Variants in SLC48A1 observed in about 807,000 individuals in gnomAD.
SLC48A1 encodes the protein solute carrier family 48 member 1.
A neutral mutation model predicts 14.8 loss-of-function variants in SLC48A1; 6 were observed. The ratio of observed to expected loss-of-function variants is 0.41; its 90% CI spans 0.22 to 0.80. The LOEUF is 0.80. Among genes scored for constraint, SLC48A1 ranks in the 30% least tolerant of loss-of-function variants. SLC48A1 has a pLI of 0.34. For missense variants in SLC48A1, 165 were observed against 204.8 expected (o/e 0.81, Z 1.19); for synonymous variants, 89 against 90.0 (o/e 0.99, Z 0.06).
At chr12:47,770,901 C>T (rs1040994600), upstream of SLC48A1, 10 of 456,554 alleles carry the variant, frequency 2.2e-5, no homozygotes, top group Non-Finnish European at 4.0e-5. Context: ...TGCGCCATCA[C>T]ACGTGCGGTT....
At chr12:47,759,627 G>A (rs3809316) in intron 1 of SLC48A1, among the ~76,000 whole-genome samples, 75,737 of 152,124 alleles carry the variant, frequency 0.5, 19,373 homozygotes, top group Admixed American at 0.65. Flanking sequence ...CGCCCTGCTA[G>A]GCAGGCTTGC....
chr12:47,759,173 C>G (rs1942282301), intron 1 of SLC48A1: 1 of 896,424 alleles, frequency 1.1e-6, no homozygotes, highest in Non-Finnish European at 1.3e-6. Context: ...CTGGCCGCCA[C>G]GTGGCCGGGA....
chr12:47,763,582 C>T (rs1339815564), intron 2 of SLC48A1, among the ~76,000 whole-genome samples: 4 of 152,196 alleles, frequency 2.6e-5, no homozygotes, highest in Non-Finnish European at 5.9e-5. Flanking sequence ...CTTGCCCCCG[C>T]TCCATCCCCC....
At chr12:47,778,588 T>C (rs1942799893) in intron 1 of SLC48A1, 1 of 159,234 alleles carries the variant, frequency 6.3e-6, no homozygotes. Context: ...GCACAGACTT[T>C]CTGGTTTTCA....
Position 47,780,234 on chromosome 12 carries a change from C to G in SLC48A1, c.394C>G (p.Arg132Gly), listed in dbSNP as rs1261630870. 2 of 1,614,254 alleles carry G rather than the reference C, an allele frequency of 1.2e-6. No individual in the cohort carries two copies. The highest frequency in any genetic ancestry group is 1.7e-6 in the Non-Finnish European group (2 of 1,180,048). ...WAFLLSLYAHRYRADFADISI... is the reference protein window; with the variant it reads ...WAFLLSLYAHGYRADFADISI... ...CTTCCTGCTCAGCCTCTATGCCCAC[C>G]GCTACCGGGCTGACTTTGCTGACAT... The change falls in exon 3 of 3, where the codon CGC becomes GGC. Residue 132 changes from arginine (R) to glycine (G), a missense_variant. Physicochemically the swap from Arg to Gly is moderately radical, Grantham distance 125 (BLOSUM62 -2). Transcript: ENST00000442218.
chr12:47,771,097 A>G, upstream of SLC48A1: 2 of 323,316 alleles, frequency 6.2e-6, no homozygotes, highest in Non-Finnish European at 1.2e-5. Flanking sequence ...ACACACTCCA[A>G]GATTCAAAAT....
rs1245151635 is a variant in SLC48A1, at chr12:47,773,281, C to T, written c.-24C>T. The T allele has an allele frequency of 6.4e-6, 9 of 1,395,832 alleles. No homozygotes were observed. In the African/African-American group the frequency reaches 7.5e-5, roughly 12 times the overall value. The allele number at this position is 1,395,832 out of a possible 1,614,324, so 86.5% of individuals were successfully genotyped here. A position where few individuals can be genotyped will look rare whatever the true frequency, so the allele number is the denominator to read the frequency against. On this transcript the variant is annotated 5_prime_UTR_variant, in exon 1 of 3. Coordinates refer to ENST00000442218, the MANE Select transcript of SLC48A1 (RefSeq NM_017842.3). ...TGTGACTCTCGGCCGCGCTCGCCCT[C>T]GGCCCGCCCGGCGCCGCAGCCCCAT... is the stretch of plus-strand genomic sequence containing the variant.
rs564587907 is a variant in SLC48A1 at position 47,781,332 on chromosome 12, G to A, written c.*1051G>A. The A allele has an allele frequency of 4.1e-3, 661 of 160,692 alleles. 8 individuals are homozygous for A. The highest frequency in any genetic ancestry group is 0.015 in the African/African-American group (629 of 41,604). The allele number at this position is 160,692 out of a possible 1,614,324, so 10.0% of individuals were successfully genotyped here. A position where few individuals can be genotyped will look rare whatever the true frequency, so the allele number is the denominator to read the frequency against. On this transcript the variant is annotated 3_prime_UTR_variant, in exon 3 of 3. Transcript: ENST00000442218. ...TGTACCCATGCCCCTCCAGCCCTGC[G>A]TTTCCATTCTGCCTTCTCAGAGTGC...
intron 1 of SLC48A1, among the ~76,000 whole-genome samples, chr12:47,776,912 C>T (rs1345004905): frequency 6.6e-6 from 1 of 152,180 alleles, no homozygotes; most frequent in East Asian, 1.9e-4. Flanking sequence ...CCCAAGCTGG[C>T]TTCTAGAATC....
At chr12:47,779,341 T>C in intron 2 of SLC48A1, 146 bp downstream of exon 2, 1 of 1,238,684 alleles carries the variant, frequency 8.1e-7, no homozygotes, top group South Asian at 1.6e-5. Flanking sequence ...TTATGGTTCA[T>C]GTGGAGAAAA....
chr12:47,780,415 G>A lies in SLC48A1; in HGVS notation c.*134G>A, dbSNP rs1422742839. 2 of 1,387,016 alleles carry A rather than the reference G, an allele frequency of 1.4e-6. No individual in the cohort carries two copies. Among genetic ancestry groups the A allele is most frequent in the Non-Finnish European group, 1.0e-6 (1 of 973,576 alleles). The allele number at this position is 1,387,016 out of a possible 1,614,324, so 85.9% of individuals were successfully genotyped here. ...AGAAAATACACAGCAGGACGAGTGT[G>A]GTCTCCCAGGAAGCTGTCCTGCCCG... On this transcript the variant is annotated 3_prime_UTR_variant, in exon 3 of 3. Coordinates refer to ENST00000442218, the MANE Select transcript of SLC48A1 (RefSeq NM_017842.3).
At chr12:47,761,069 C>T (rs1199488108) in intron 2 of SLC48A1, among the ~76,000 whole-genome samples, 6 of 151,948 alleles carry the variant, frequency 3.9e-5, no homozygotes, top group East Asian at 1.9e-4. Context: ...TGGTGGCGTG[C>T]GCCTGGAATC....
chr12:47,758,132 G>T, upstream of SLC48A1: 1 of 1,525,856 alleles, frequency 6.6e-7, no homozygotes. Flanking sequence ...GGGCGGCTGG[G>T]CCACAGTACA....
upstream of SLC48A1, among the ~76,000 whole-genome samples, chr12:47,757,250 C>G (rs1486683996): frequency 2.0e-5 from 3 of 152,148 alleles, no homozygotes; most frequent in African/African-American, 7.2e-5. Context: ...CAAATCCCAC[C>G]ATTCTTTCCC....
intron 1 of SLC48A1, chr12:47,760,138 C>A: frequency 1.1e-6 from 1 of 902,538 alleles, no homozygotes; most frequent in African/African-American, 1.8e-5. Context: ...TACTAAAATG[C>A]AGGCTCCGTC....
At chr12:47,759,636 G>C (rs919037769) in intron 1 of SLC48A1, among the ~76,000 whole-genome samples, 1 of 152,232 alleles carries the variant, frequency 6.6e-6, no homozygotes, top group African/African-American at 2.4e-5. Flanking sequence ...AGGCAGGCTT[G>C]CTACCGAGGC....
At chr12:47,774,982 G>C (rs570596344) in intron 1 of SLC48A1, among the ~76,000 whole-genome samples, 1 of 152,340 alleles carries the variant, frequency 6.6e-6, no homozygotes, top group African/African-American at 2.4e-5. Flanking sequence ...TGCGAAGACC[G>C]AAGGCAAGAG....
chr12:47,768,169 G>A (rs1353371843), upstream of SLC48A1, among the ~76,000 whole-genome samples: 1 of 152,104 alleles, frequency 6.6e-6, no homozygotes, highest in Non-Finnish European at 1.5e-5. Context: ...GTAGAGATGG[G>A]TTTTGCCATG....
upstream of SLC48A1, among the ~76,000 whole-genome samples, chr12:47,771,359 A>C (rs1033110612): frequency 2.8e-5 from 4 of 145,452 alleles, no homozygotes; most frequent in Admixed American, 2.7e-4. Context: ...TTAGATGTTG[A>C]TGTGAACAAA....
Sources: allele counts gnomAD v4.1 joint callset (sites outside exome capture counted in the v4.1 genomes callset), GRCh38; gene constraint gnomAD v4.1.1; transcripts MANE v1.5; gene names NCBI Gene and HGNC (gene_info 2026-07-23, HGNC 2026-07-21).